Variants in TTC28 observed in about 807,000 individuals in gnomAD.
TTC28 encodes tetratricopeptide repeat protein 28.
A neutral mutation model predicts 198.0 loss-of-function variants in TTC28; 61 were observed. The ratio of observed to expected loss-of-function variants is 0.31; its 90% CI spans 0.25 to 0.38. The LOEUF (loss-of-function observed/expected upper bound fraction) is 0.38, where lower values mean the gene tolerates loss of function less well. Ranked by LOEUF, TTC28 falls within the 10% of genes least tolerant of loss-of-function variation. The pLI is 1.00. For synonymous variants in TTC28, 1,171 were observed against 1,297.8 expected, an observed-to-expected ratio of 0.90 and a Z score of 2.10; for missense variants, 2,678 against 3,164.0, an observed-to-expected ratio of 0.85 and a Z score of 3.69.
chr22:28,533,204 CAA>C (rs1159397821), intron 2 of TTC28, among the ~76,000 whole-genome samples: 2 of 152,160 alleles, frequency 1.3e-5, no homozygotes, highest in African/African-American at 4.8e-5. Flanking sequence ...GCAGCTTCAG[CAA>C]AGTCTCAGGA....
chr22:28,498,534 C>T (rs192273148), intron 2 of TTC28, among the ~76,000 whole-genome samples: 38 of 152,244 alleles, frequency 2.5e-4, no homozygotes, highest in African/African-American at 8.2e-4. Context: ...TTGATAGAAC[C>T]TAAATCCAGG....
chr22:28,554,902 G>T (rs1169804305), intron 2 of TTC28, among the ~76,000 whole-genome samples: 1 of 152,006 alleles, frequency 6.6e-6, no homozygotes, highest in African/African-American at 2.4e-5. Flanking sequence ...GAAATAATCA[G>T]CAAAGTTAAC....
At chr22:28,670,756 A>G (rs1415157534) in intron 1 of TTC28, among the ~76,000 whole-genome samples, 1 of 143,826 alleles carries the variant, frequency 7.0e-6, no homozygotes, top group East Asian at 1.9e-4. Flanking sequence ...TGGCAAGTCT[A>G]TGTTTAACAT....
At chr22:28,611,457 G>T (rs2050816670) in intron 2 of TTC28, among the ~76,000 whole-genome samples, 1 of 150,192 alleles carries the variant, frequency 6.7e-6, no homozygotes. Context: ...TTCATATCCA[G>T]CCAAACTAAG....
intron 5 of TTC28, among the ~76,000 whole-genome samples, chr22:28,246,727 G>GAAATAC (rs1930126921): frequency 1.3e-5 from 2 of 152,126 alleles, no homozygotes; most frequent in Non-Finnish European, 2.9e-5. Flanking sequence ...CTAGTAAGTG[G>GAAATAC]TGTAGTTCAG....
At chr22:27,988,224 G>C (rs1937276971) in intron 21 of TTC28, among the ~76,000 whole-genome samples, 1 of 151,792 alleles carries the variant, frequency 6.6e-6, no homozygotes, top group Non-Finnish European at 1.5e-5. Context: ...GAGGTGGTCG[G>C]GGAAGGTCAC....
intron 2 of TTC28, among the ~76,000 whole-genome samples, chr22:28,462,280 T>C (rs1012735169): frequency 2.6e-5 from 4 of 152,310 alleles, no homozygotes; most frequent in Admixed American, 2.6e-4. Flanking sequence ...GTACAAGTGT[T>C]ATATGCCACA....
At chr22:28,112,731 C>G (rs1242619308) in intron 6 of TTC28, among the ~76,000 whole-genome samples, 2 of 152,154 alleles carry the variant, frequency 1.3e-5, no homozygotes, top group African/African-American at 4.8e-5. Flanking sequence ...CCTTCCCTTT[C>G]GAGACCACAG....
chr22:28,210,972 G>A (rs953069353), intron 5 of TTC28, among the ~76,000 whole-genome samples: 1 of 152,068 alleles, frequency 6.6e-6, no homozygotes. Context: ...AGAGAGTGAG[G>A]GCCAATATTC....
At chr22:28,565,646 G>C (rs1370080612) in intron 2 of TTC28, among the ~76,000 whole-genome samples, 1 of 152,130 alleles carries the variant, frequency 6.6e-6, no homozygotes, top group African/African-American at 2.4e-5. Context: ...GCTGATTCAA[G>C]TTTGGAAAAG....
intron 5 of TTC28, among the ~76,000 whole-genome samples, chr22:28,186,904 C>T (rs1280135393): frequency 2.6e-5 from 4 of 152,230 alleles, no homozygotes; most frequent in South Asian, 2.1e-4. Context: ...GCCTTCTTTC[C>T]AAGAAAGTAG....
chr22:28,086,625 T>C (rs929349959), intron 12 of TTC28, among the ~76,000 whole-genome samples: 16 of 151,978 alleles, frequency 1.1e-4, no homozygotes, highest in East Asian at 3.9e-4. Context: ...AGAGCAAACA[T>C]ATTCAAAAGC....
At chr22:28,356,032 G>A (rs377657312) in intron 2 of TTC28, among the ~76,000 whole-genome samples, 58 of 152,336 alleles carry the variant, frequency 3.8e-4, no homozygotes, top group African/African-American at 1.4e-3. Context: ...CTCAGTTCAA[G>A]AGTGAATAGC....
intron 2 of TTC28, among the ~76,000 whole-genome samples, chr22:28,503,495 A>C (rs1040336580): frequency 6.6e-6 from 1 of 152,182 alleles, no homozygotes; most frequent in Admixed American, 6.5e-5. Context: ...TTACTAAGTA[A>C]ATTTGAAAAA....
At chr22:28,542,020 T>C (rs1023234062) in intron 2 of TTC28, among the ~76,000 whole-genome samples, 1 of 152,038 alleles carries the variant, frequency 6.6e-6, no homozygotes, top group East Asian at 1.9e-4. Flanking sequence ...GCCCTGGAGT[T>C]AGAGGCTGCA....
At chr22:28,265,640 T>C (rs566455023) in intron 5 of TTC28, among the ~76,000 whole-genome samples, 2 of 152,284 alleles carry the variant, frequency 1.3e-5, no homozygotes, top group South Asian at 4.1e-4. Context: ...TTGCTGATGA[T>C]TGACTATACA....
intron 2 of TTC28, among the ~76,000 whole-genome samples, chr22:28,358,277 G>C (rs959756458): frequency 6.6e-6 from 1 of 152,180 alleles, no homozygotes; most frequent in Non-Finnish European, 1.5e-5. Context: ...GGAAAAGGAA[G>C]TACAACTGAA....
intron 22 of TTC28, 83 bp downstream of exon 22, chr22:27,985,166 C>T (rs1379007921): frequency 1.8e-5 from 18 of 1,016,962 alleles, no homozygotes; most frequent in Non-Finnish European, 2.6e-5. Flanking sequence ...TCTTCTGCTT[C>T]CCAAAATGTA....
At chr22:28,495,578 G>A (rs1280303906) in intron 2 of TTC28, among the ~76,000 whole-genome samples, 1 of 152,058 alleles carries the variant, frequency 6.6e-6, no homozygotes, top group Non-Finnish European at 1.5e-5. Flanking sequence ...TAAAGAATAT[G>A]TAACTCAAAA....
Sources: allele counts gnomAD v4.1 joint callset (sites outside exome capture counted in the v4.1 genomes callset), GRCh38; gene constraint gnomAD v4.1.1; transcripts MANE v1.5; gene names NCBI Gene and HGNC (gene_info 2026-07-23, HGNC 2026-07-21).